Variants in ZFAND3 observed in about 807,000 individuals in gnomAD.
ZFAND3 encodes the protein zinc finger AN1-type containing 3.
In ZFAND3, 10 loss-of-function variants were observed where a neutral mutation model predicts 29.6. The ratio of observed to expected loss-of-function variants is 0.34; its 90% CI spans 0.21 to 0.57. The LOEUF (loss-of-function observed/expected upper bound fraction) is 0.57, where lower values mean the gene tolerates loss of function less well. Among genes scored for constraint, ZFAND3 ranks in the 20% least tolerant of loss-of-function variants. The pLI, the probability that ZFAND3 is intolerant of heterozygous loss-of-function variation, is 0.86. For missense variants in ZFAND3, 230 were observed against 304.5 expected (o/e 0.76, Z 1.82); for synonymous variants, 128 against 112.6 (o/e 1.14, Z -0.87).
chr6:37,872,383 G>T (rs151169107), intron 1 of ZFAND3, among the ~76,000 whole-genome samples: 1 of 152,296 alleles, frequency 6.6e-6, no homozygotes, highest in African/African-American at 2.4e-5. Flanking sequence ...AACATATTCA[G>T]TTCCACTTCT....
intron 3 of ZFAND3, among the ~76,000 whole-genome samples, chr6:38,081,392 C>G (rs1764659182): frequency 6.6e-6 from 1 of 152,068 alleles, no homozygotes; most frequent in South Asian, 2.1e-4. Flanking sequence ...GTCCTTAAAC[C>G]CATGAATCTC....
Position 38,150,193 on chromosome 6 carries a change from T to C in ZFAND3, c.530-2042T>C, listed in dbSNP as rs114711236. Among the ~76,000 whole-genome samples the C allele has an allele frequency of 7.4e-3, 1,127 of 152,290 alleles. 11 individuals carry two copies. The highest frequency in any genetic ancestry group is 0.026 in the African/African-American group (1,072 of 41,544). On this transcript the variant is annotated intron_variant, in intron 5 of 5. Coordinates refer to ENST00000287218, the MANE Select transcript of ZFAND3 (RefSeq NM_021943.3). Reference sequence around the variant, plus strand: ...TTCGAGTAATGAACTTATCAGTAAATGTAACACATGAGCTCATTAATCTTA... The same window carrying C: ...TTCGAGTAATGAACTTATCAGTAAACGTAACACATGAGCTCATTAATCTTA...
At chr6:38,013,152 C>T (rs1440072204) in intron 2 of ZFAND3, among the ~76,000 whole-genome samples, 2 of 152,126 alleles carry the variant, frequency 1.3e-5, no homozygotes, top group Non-Finnish European at 2.9e-5. Context: ...TCCTAATACA[C>T]GAATTTGAGT....
At chr6:38,026,127 A>AAG (rs1763442748) in intron 2 of ZFAND3, among the ~76,000 whole-genome samples, 5 of 152,186 alleles carry the variant, frequency 3.3e-5, no homozygotes, top group African/African-American at 1.2e-4. Flanking sequence ...TATCAGATCC[A>AAG]TTTCTAAACC....
chr6:37,966,375 C>T (rs1762293854), intron 2 of ZFAND3, among the ~76,000 whole-genome samples: 1 of 152,176 alleles, frequency 6.6e-6, no homozygotes, highest in African/African-American at 2.4e-5. Context: ...TTAAAAAGCA[C>T]ATACAAAGTG....
Position 37,892,205 on chromosome 6 carries a change from G to A in ZFAND3, c.72-37754G>A, listed in dbSNP as rs147620912. Among the ~76,000 whole-genome samples the A allele has an allele frequency of 5.0e-3, 761 of 152,306 alleles. 9 individuals are homozygous for A. Among genetic ancestry groups the A allele is most frequent in the African/African-American group, 0.017 (702 of 41,566 alleles). ...GAAAGAAATTTGGAAACTCTAATAC[G>A]TGGAAATTACAGCATACTCTTAAAC... On this transcript the variant is annotated intron_variant, in intron 1 of 5. Coordinates refer to ENST00000287218, the MANE Select transcript of ZFAND3 (RefSeq NM_021943.3).
intron 5 of ZFAND3, among the ~76,000 whole-genome samples, chr6:38,149,436 C>T (rs1766177843): frequency 6.7e-6 from 1 of 148,450 alleles, no homozygotes; most frequent in Non-Finnish European, 1.5e-5. Flanking sequence ...AAAACCTAAG[C>T]CAAGTGTCAA....
At chr6:37,848,759 G>C (rs924480748) in intron 1 of ZFAND3, among the ~76,000 whole-genome samples, 1 of 152,090 alleles carries the variant, frequency 6.6e-6, no homozygotes, top group African/African-American at 2.4e-5. Context: ...TGGGAGGGTT[G>C]TGTTTGCGTC....
intron 2 of ZFAND3, among the ~76,000 whole-genome samples, chr6:38,052,917 C>G (rs1165037674): frequency 6.6e-6 from 1 of 151,906 alleles, no homozygotes; most frequent in Non-Finnish European, 1.5e-5. Context: ...GCCTGCAATC[C>G]CAGCTACTTG....
chr6:38,151,514 G>T (rs1010553764), intron 5 of ZFAND3, among the ~76,000 whole-genome samples: 1 of 151,418 alleles, frequency 6.6e-6, no homozygotes, highest in African/African-American at 2.4e-5. Context: ...GGGTCCGAGT[G>T]TGGGCATCTC....
intron 1 of ZFAND3, among the ~76,000 whole-genome samples, chr6:37,841,705 G>T (rs1032056754): frequency 1.3e-5 from 2 of 152,086 alleles, no homozygotes; most frequent in East Asian, 3.9e-4. Context: ...GGATGGTCTC[G>T]ATCTCCTCAC....
intron 2 of ZFAND3, among the ~76,000 whole-genome samples, chr6:37,983,127 A>C (rs1762607242): frequency 6.6e-6 from 1 of 152,130 alleles, no homozygotes; most frequent in Admixed American, 6.5e-5. Context: ...AAAATTCAGA[A>C]GTTTTATAAT....
At chr6:38,119,031 CT>C (rs1765475545) in intron 5 of ZFAND3, among the ~76,000 whole-genome samples, 1 of 152,208 alleles carries the variant, frequency 6.6e-6, no homozygotes, top group Non-Finnish European at 1.5e-5. Flanking sequence ...AAGCCCTGAG[CT>C]TTCTGCAGTC....
chr6:38,107,300 C>CA (rs1272356619), intron 4 of ZFAND3, among the ~76,000 whole-genome samples: 2 of 152,212 alleles, frequency 1.3e-5, no homozygotes, highest in East Asian at 3.8e-4. Context: ...CCAAGACACA[C>CA]ATGAGCCATA....
intron 2 of ZFAND3, among the ~76,000 whole-genome samples, chr6:37,965,635 A>G (rs1211792723): frequency 6.6e-6 from 1 of 151,378 alleles, no homozygotes; most frequent in Non-Finnish European, 1.5e-5. Context: ...TGAGGAAACT[A>G]TACTCCCTGA....
At chr6:37,905,605 TG>T (rs1765393314) in intron 1 of ZFAND3, among the ~76,000 whole-genome samples, 1 of 152,186 alleles carries the variant, frequency 6.6e-6, no homozygotes, top group African/African-American at 2.4e-5. Context: ...CAGGACATTT[TG>T]CGGAAGGTGT....
chr6:38,004,524 T>TAA (rs1385907497), intron 2 of ZFAND3, among the ~76,000 whole-genome samples: 7 of 106,484 alleles, frequency 6.6e-5, no homozygotes, highest in Non-Finnish European at 1.5e-4. Context: ...TTGGAAGTGC[T>TAA]AAAGCTGTCT....
chr6:37,983,597 G>T (rs1290254577), intron 2 of ZFAND3, among the ~76,000 whole-genome samples: 1 of 152,070 alleles, frequency 6.6e-6, no homozygotes, highest in Non-Finnish European at 1.5e-5. Flanking sequence ...GACCTCAGGT[G>T]ATCCACCCGC....
intron 5 of ZFAND3, among the ~76,000 whole-genome samples, chr6:38,140,973 G>A (rs1314546317): frequency 1.4e-5 from 2 of 147,648 alleles, no homozygotes; most frequent in African/African-American, 2.5e-5. Flanking sequence ...CAGCTTCTCT[G>A]CCCGCCCCCA....
Sources: gnomAD v4.1 joint callset for allele counts (sites outside exome capture counted in the v4.1 genomes callset) on GRCh38, gnomAD v4.1.1 for gene constraint, MANE v1.5 for transcripts, NCBI Gene and HGNC (gene_info 2026-07-23, HGNC 2026-07-21) for gene names.